The following TAFA2 variants were observed in gnomAD, a reference collection of about 807,000 sequenced individuals.
TAFA2 encodes TAFA chemokine like family member 2.
In TAFA2, 7 loss-of-function variants were observed where a neutral mutation model predicts 18.8. The ratio of observed to expected loss-of-function variants is 0.37; its 90% confidence interval spans 0.21 to 0.70. The LOEUF is 0.70. Among genes scored for constraint, TAFA2 ranks in the 30% least tolerant of loss-of-function variants. The pLI is 0.53. For synonymous variants in TAFA2, 60 were observed against 54.2 expected (o/e 1.11, Z -0.47); for missense variants, 122 against 158.1 (o/e 0.77, Z 1.23).
intron 1 of TAFA2, among the ~76,000 whole-genome samples, chr12:61,987,697 G>T (rs1261541624): frequency 1.3e-5 from 2 of 152,140 alleles, no homozygotes; most frequent in African/African-American, 4.8e-5. Context: ...TATTCAGGCT[G>T]CTCTTTCACC....
intron 1 of TAFA2, among the ~76,000 whole-genome samples, chr12:62,151,093 A>G (rs1336950173): frequency 6.6e-6 from 1 of 152,198 alleles, no homozygotes; most frequent in Non-Finnish European, 1.5e-5. Flanking sequence ...TATCAACCAC[A>G]TAAGTTATTA....
At chr12:61,980,498 G>A (rs971498679) in intron 1 of TAFA2, among the ~76,000 whole-genome samples, 1 of 152,140 alleles carries the variant, frequency 6.6e-6, no homozygotes, top group African/African-American at 2.4e-5. Flanking sequence ...ATTCAATTAG[G>A]AAATGAGGAA....
chr12:62,005,806 G>C (rs1057412107), intron 1 of TAFA2, among the ~76,000 whole-genome samples: 1 of 152,034 alleles, frequency 6.6e-6, no homozygotes, highest in South Asian at 2.1e-4. Context: ...TTTGCCCTAA[G>C]TTGCACAAAT....
At chr12:62,127,874 G>A (rs1870528988) in intron 1 of TAFA2, among the ~76,000 whole-genome samples, 2 of 151,974 alleles carry the variant, frequency 1.3e-5, no homozygotes, top group South Asian at 4.1e-4. Context: ...CAAGTACATA[G>A]TAAGTACTCA....
rs576520122 is a variant in TAFA2, at chr12:61,807,651, G to C, written c.107-52627C>G. Reference sequence around the variant, plus strand: ...CTAGCCCATGAAAGCAGCCAGGAAGGAGGCTGTACCTTGCAAAGCCACAGG... The same window carrying C: ...CTAGCCCATGAAAGCAGCCAGGAAGCAGGCTGTACCTTGCAAAGCCACAGG... On this transcript the variant is annotated intron_variant, in intron 2 of 4. Transcript: ENST00000416284. Among the ~76,000 whole-genome samples, 168 of 151,558 alleles carry C rather than the reference G, an allele frequency of 1.1e-3. 1 individual carries two copies. Among genetic ancestry groups the C allele is most frequent in the South Asian group, 0.011 (53 of 4,830 alleles).
At chr12:62,239,885 G>C (rs1327473224) in intron 1 of TAFA2, among the ~76,000 whole-genome samples, 1 of 152,158 alleles carries the variant, frequency 6.6e-6, no homozygotes. Flanking sequence ...TTAAATAAAT[G>C]ATTGTTGTTG....
intron 1 of TAFA2, among the ~76,000 whole-genome samples, chr12:62,082,974 TC>T (rs1868346623): frequency 6.6e-6 from 1 of 152,032 alleles, no homozygotes; most frequent in African/African-American, 2.4e-5. Flanking sequence ...ATTACTAACC[TC>T]CTTTTACAGA....
At chr12:61,879,904 C>T in intron 1 of TAFA2, 1 of 913,118 alleles carries the variant, frequency 1.1e-6, no homozygotes. Flanking sequence ...ATGAATTTGT[C>T]CTCATCGAGA....
At chr12:62,069,678 A>G (rs988054269) in intron 1 of TAFA2, among the ~76,000 whole-genome samples, 9 of 152,210 alleles carry the variant, frequency 5.9e-5, no homozygotes, top group African/African-American at 2.2e-4. Context: ...ATACTTGAAA[A>G]AAGAAAACAC....
At chr12:61,948,112 T>A (rs960251926) in intron 1 of TAFA2, among the ~76,000 whole-genome samples, 2 of 152,146 alleles carry the variant, frequency 1.3e-5, no homozygotes, top group Non-Finnish European at 2.9e-5. Context: ...ACAAGAAACT[T>A]TTGCTGTTAC....
At chr12:61,988,307 T>C (rs1196181875) in intron 1 of TAFA2, among the ~76,000 whole-genome samples, 2 of 152,138 alleles carry the variant, frequency 1.3e-5, no homozygotes, top group African/African-American at 2.4e-5. Context: ...AGATTAAATG[T>C]ATTATAAAAT....
At chr12:61,823,810 C>T (rs1006287804) in intron 2 of TAFA2, among the ~76,000 whole-genome samples, 1 of 152,088 alleles carries the variant, frequency 6.6e-6, no homozygotes. Context: ...GAATAATACT[C>T]ACACCAGAAT....
At position 62,070,408 on chromosome 12, in the gene TAFA2, C is replaced by G. The variant is rs546877617; in HGVS notation, c.-2+120851G>C. 2.0e-5 allele frequency: 3 copies of G among 152,276 alleles called. No homozygotes were observed. The East Asian group carries it at 5.8e-4, about 29-fold the overall frequency. The allele number at this position is 152,276 out of a possible 1,614,324, so 9.4% of individuals were successfully genotyped here. A position where few individuals can be genotyped will look rare whatever the true frequency, so the allele number is the denominator to read the frequency against. ...CAATAACCACAAAAGCAATTATAGT[C>G]AACAACCTGATACTTCACTTTCCTT... On this transcript the variant is annotated intron_variant, in intron 1 of 4. Transcript: ENST00000416284.
chr12:62,214,230 T>C (rs2062724905), intron 1 of TAFA2, among the ~76,000 whole-genome samples: 1 of 152,226 alleles, frequency 6.6e-6, no homozygotes, highest in Non-Finnish European at 1.5e-5. Flanking sequence ...AAATCTCATC[T>C]TGAATTCCCA....
At chr12:61,878,248 G>T (rs1874955680) in intron 1 of TAFA2, 1 of 340,088 alleles carries the variant, frequency 2.9e-6, no homozygotes, top group Admixed American at 3.8e-5. Flanking sequence ...GTACAACATT[G>T]TGAATGTACT....
In TAFA2 at chr12:62,050,290, G is replaced by T. The variant is rs530593525; in HGVS notation, c.-2+140969C>A. 9.9e-5 allele frequency among the ~76,000 whole-genome samples: 15 copies of T among 152,178 alleles called. 1 individual carries two copies. Among genetic ancestry groups the T allele is most frequent in the Admixed American group, 7.9e-4 (12 of 15,272 alleles). Reference sequence around the variant, plus strand: ...AAAAAGGAATTAAAATTTTATCACAGCTGGGCTCGGTGGCTCACGCCTGTA... The same window carrying T: ...AAAAAGGAATTAAAATTTTATCACATCTGGGCTCGGTGGCTCACGCCTGTA... On this transcript the variant is annotated intron_variant, in intron 1 of 4. Transcript: ENST00000416284.
intron 1 of TAFA2, among the ~76,000 whole-genome samples, chr12:62,123,781 T>TACACACACACAC (rs71083977): frequency 0.023 from 3,084 of 132,802 alleles, 66 homozygotes; most frequent in Middle Eastern, 0.031. Flanking sequence ...ACCACACACA[T>TACACACACACAC]ACACACACAC....
chr12:61,913,030 T>C (rs978092117), intron 1 of TAFA2, among the ~76,000 whole-genome samples: 3 of 152,110 alleles, frequency 2.0e-5, no homozygotes, highest in African/African-American at 7.2e-5. Context: ...AAATAGATGA[T>C]TTACCTATTT....
intron 1 of TAFA2, among the ~76,000 whole-genome samples, chr12:62,167,756 G>A (rs565206272): frequency 6.6e-6 from 1 of 152,168 alleles, no homozygotes; most frequent in Non-Finnish European, 1.5e-5. Context: ...CTACTAAAAG[G>A]AGCCATGGCT....
Sources: gnomAD v4.1 joint callset for allele counts (sites outside exome capture counted in the v4.1 genomes callset) on GRCh38, gnomAD v4.1.1 for gene constraint, MANE v1.5 for transcripts, NCBI Gene and HGNC (gene_info 2026-07-23, HGNC 2026-07-21) for gene names.